Variants in RYR2 observed in about 807,000 individuals in gnomAD.
The protein encoded by RYR2 is ryanodine receptor 2, also known as cardiac muscle ryanodine receptor-calcium release channel.
A neutral mutation model predicts 601.1 loss-of-function variants in RYR2; 227 were observed. The ratio of observed to expected loss-of-function variants is 0.38; its 90% confidence interval spans 0.34 to 0.42. The LOEUF is 0.42. RYR2 is among the 10% of genes least tolerant of loss of function. The pLI is 1.00. For synonymous variants in RYR2, 2,223 were observed against 2,175.1 expected, an observed-to-expected ratio of 1.02 and a Z score of -0.61; for missense variants, 4,646 against 6,156.5, an observed-to-expected ratio of 0.75 and a Z score of 8.21.
chr1:237,468,802 G>A (rs1013580667), intron 16 of RYR2, among the ~76,000 whole-genome samples: 8 of 152,174 alleles, frequency 5.3e-5, no homozygotes, highest in African/African-American at 1.9e-4. Context: ...GAACTCCCAG[G>A]AGACTGTTTT....
chr1:237,195,694 AG>A (rs1310762476), intron 1 of RYR2, among the ~76,000 whole-genome samples: 6 of 152,334 alleles, frequency 3.9e-5, no homozygotes, highest in Middle Eastern at 3.4e-3. Flanking sequence ...AAATTGGCAT[AG>A]GCTCTAGTCT....
intron 101 of RYR2, 52 bp from the exon 102 acceptor site, chr1:237,828,329 T>C: frequency 7.6e-7 from 1 of 1,311,862 alleles, no homozygotes; most frequent in Non-Finnish European, 1.1e-6. Context: ...GCCAAGGAAC[T>C]GAATTATTCA....
At chr1:237,084,231 C>T (rs146555924) in intron 1 of RYR2, among the ~76,000 whole-genome samples, 19 of 152,306 alleles carry the variant, frequency 1.2e-4, no homozygotes, top group African/African-American at 3.1e-4. Context: ...ATTTCAAATT[C>T]GGCTTATCCC....
At chr1:237,367,767 G>C (rs920790925) in intron 5 of RYR2, among the ~76,000 whole-genome samples, 1 of 152,078 alleles carries the variant, frequency 6.6e-6, no homozygotes, top group Non-Finnish European at 1.5e-5. Context: ...TTCCATGATT[G>C]CTTCCTCCTT....
At chr1:237,255,675 T>A (rs1479849345) in intron 1 of RYR2, among the ~76,000 whole-genome samples, 8 of 152,192 alleles carry the variant, frequency 5.3e-5, no homozygotes. Flanking sequence ...AGACAATAGA[T>A]GGGATCTATC....
At chr1:237,556,796 G>C (rs1363886187) in intron 27 of RYR2, among the ~76,000 whole-genome samples, 1 of 145,770 alleles carries the variant, frequency 6.9e-6, no homozygotes, top group South Asian at 2.2e-4. Flanking sequence ...GTTTAAATCA[G>C]CTTGGTGATA....
In RYR2 at chr1:237,784,666, C is replaced by G; in HGVS notation, c.12954C>G (p.Leu4318=). 1 of 1,612,876 alleles carries G rather than the reference C, an allele frequency of 6.2e-7. No individual in the cohort carries two copies. Among genetic ancestry groups the G allele is most frequent in the Non-Finnish European group, 8.5e-7 (1 of 1,179,402 alleles). The change falls in exon 90 of 105, where the codon CTC becomes CTG. Residue 4318 remains leucine (L), a synonymous_variant. Coordinates refer to ENST00000366574, the MANE Select transcript of RYR2 (RefSeq NM_001035.3). This position sits in a 1 kb window ranked among gnomAD's most constrained non-coding sequence, Gnocchi z 7.1. ...IICSLLLGGS[L]VEGAKKIKVA... The stretch of plus-strand genomic sequence containing the variant: ...GCAGCCTGCTGCTTGGGGGAAGCCT[C>G]GTCGAAGGTGCTAAAAAGATCAAAG...
At chr1:237,643,282 T>A (rs573336192) in intron 47 of RYR2, 45 bp from the exon 48 acceptor site, 1 of 1,600,006 alleles carries the variant, frequency 6.2e-7, no homozygotes, top group East Asian at 2.2e-5. Context: ...AATTGTAACA[T>A]TGATGTCACA....
At chr1:237,408,939 G>C (rs1704174018) in intron 10 of RYR2, among the ~76,000 whole-genome samples, 1 of 86,114 alleles carries the variant, frequency 1.2e-5, no homozygotes. Flanking sequence ...TTGGTATTAA[G>C]ATAAATAATA....
rs1232344076 is a variant in RYR2, at chr1:237,127,644, C to T, written c.48+85075C>T. 1.1e-4 allele frequency among the ~76,000 whole-genome samples: 17 copies of T among 151,236 alleles called. No homozygotes were observed. In the East Asian group the frequency reaches 1.4e-3, roughly 12 times the overall value. ...CTTCCCAGACGGGGCGGCTGCCGGG[C>T]GGAGGGTCTCCTCACTTCTCAGACG... is the stretch of plus-strand genomic sequence containing the variant. On this transcript the variant is annotated intron_variant, in intron 1 of 104. Coordinates refer to ENST00000366574, the MANE Select transcript of RYR2 (RefSeq NM_001035.3).
intron 1 of RYR2, among the ~76,000 whole-genome samples, chr1:237,234,048 G>T (rs1572295761): frequency 1.3e-5 from 2 of 152,216 alleles, no homozygotes; most frequent in Admixed American, 1.3e-4. Context: ...AAGATATTGG[G>T]TCTACTGGTC....
intron 56 of RYR2, among the ~76,000 whole-genome samples, chr1:237,661,404 GT>G (rs1217928774): frequency 1.3e-5 from 2 of 152,192 alleles, no homozygotes; most frequent in African/African-American, 4.8e-5. Flanking sequence ...TAGATGACGG[GT>G]TGATGGGTGC....
chr1:237,148,531 T>TATATATATATATATATACACAC (rs1558319980), intron 1 of RYR2, among the ~76,000 whole-genome samples: 6 of 77,566 alleles, frequency 7.7e-5, no homozygotes, highest in African/African-American at 3.1e-4. Flanking sequence ...AAAAAAAATA[T>TATATATATATATATATACACAC]ATATATATAT....
chr1:237,136,766 A>G (rs1672827439), intron 1 of RYR2, among the ~76,000 whole-genome samples: 4 of 152,192 alleles, frequency 2.6e-5, no homozygotes, highest in Admixed American at 2.6e-4. Flanking sequence ...CTGTAATCCC[A>G]GCACTTTGGG....
At chr1:237,364,333 C>A in intron 4 of RYR2, 25 bp from the exon 5 acceptor site, 1 of 1,568,934 alleles carries the variant, frequency 6.4e-7, no homozygotes, top group East Asian at 2.3e-5. Flanking sequence ...TTAATGTTTC[C>A]TCTCTTTTCC....
At chr1:237,269,199 C>T (rs531429969) in intron 1 of RYR2, among the ~76,000 whole-genome samples, 53 of 151,488 alleles carry the variant, frequency 3.5e-4, no homozygotes, top group African/African-American at 1.2e-3. Context: ...TGTGCCACCA[C>T]GCCCAGCTAA....
intron 34 of RYR2, among the ~76,000 whole-genome samples, chr1:237,599,991 C>T (rs1189878281): frequency 1.3e-5 from 2 of 151,862 alleles, no homozygotes; most frequent in Non-Finnish European, 2.9e-5. Flanking sequence ...TTAAAATGTC[C>T]ATAGTACAAA....
chr1:237,511,652 G>T, intron 23 of RYR2, 36 bp from the exon 24 acceptor site: 1 of 1,471,912 alleles, frequency 6.8e-7, no homozygotes, highest in South Asian at 1.2e-5. Context: ...CCTGGCATTG[G>T]AGACTATTTT....
At chr1:237,218,209 G>T (rs1197846050) in intron 1 of RYR2, among the ~76,000 whole-genome samples, 2 of 152,120 alleles carry the variant, frequency 1.3e-5, no homozygotes, top group African/African-American at 4.8e-5. Flanking sequence ...TAAATTAGGA[G>T]GAATCCTTAC....
Sources: allele counts gnomAD v4.1 joint callset (sites outside exome capture counted in the v4.1 genomes callset), GRCh38; gene constraint gnomAD v4.1.1; non-coding constraint Gnocchi (gnomAD v3.1); transcripts MANE v1.5; gene names NCBI Gene and HGNC (gene_info 2026-07-23, HGNC 2026-07-21).